Variants in HGSNAT observed in about 807,000 individuals in gnomAD.
HGSNAT encodes the protein transmembrane protein 76.
A neutral mutation model predicts 85.2 loss-of-function variants in HGSNAT; 59 were observed. The observed-to-expected ratio is 0.69, with a 90% confidence interval of 0.56 to 0.86. The LOEUF (loss-of-function observed/expected upper bound fraction) is 0.86. Ranked by LOEUF, HGSNAT falls within the 40% of genes least tolerant of loss-of-function variation. HGSNAT has a pLI of 0.00. For synonymous variants in HGSNAT, 321 were observed against 304.5 expected (o/e 1.05, Z -0.56); for missense variants, 756 against 777.1 (o/e 0.97, Z 0.32).
Position 43,197,938 on chromosome 8 carries a change from C to T in HGSNAT, c.1712C>T (p.Pro571Leu), listed in dbSNP as rs764216634. ...VDVKGLWTGT[P>L]FFYPGMNSIL... ...GTGAAGGGGCTGTGGACAGGAACCC[C>T]ATTCTTTTATCCAGGTAAGTCACCT... Residue 571 changes from proline to leucine, a missense_variant, in exon 17 of 18, where the codon CCA becomes CTA. Physicochemically the swap from Pro to Leu is moderately conservative, Grantham distance 98. Transcript: ENST00000379644. 6.2e-7 allele frequency: 1 copy of T among 1,612,804 alleles called. No homozygotes were observed.
chr8:43,141,324 G>C (rs536113321), intron 1 of HGSNAT, among the ~76,000 whole-genome samples: 1 of 151,632 alleles, frequency 6.6e-6, no homozygotes, highest in Admixed American at 6.5e-5. Flanking sequence ...GGGAGGGGCC[G>C]GGCTGGGCGC....
intron 9 of HGSNAT, among the ~76,000 whole-genome samples, chr8:43,176,065 C>G (rs1352964166): frequency 6.6e-6 from 1 of 152,030 alleles, no homozygotes; most frequent in Admixed American, 6.6e-5. Flanking sequence ...TCCCGTTTGT[C>G]CATTTTTGCT....
rs1404913924 is a variant in HGSNAT, at chr8:43,151,567, G to C, written c.234+4504G>C. ...TCACAAAACACTCATCATATGTTAAGTCAAAAGAGACTGGATAAATTAAAA... is the reference window on the plus strand; with the variant it reads ...TCACAAAACACTCATCATATGTTAACTCAAAAGAGACTGGATAAATTAAAA... On this transcript the variant is annotated intron_variant, in intron 2 of 17. Coordinates refer to ENST00000379644, the MANE Select transcript of HGSNAT (RefSeq NM_152419.3). Among the ~76,000 whole-genome samples, 4 of 152,110 alleles carry C rather than the reference G, an allele frequency of 2.6e-5. No individual in the cohort carries two copies. In the East Asian group the frequency reaches 7.7e-4, roughly 29 times the overall value.
chr8:43,152,857 GTTAA>G (rs1238956724), intron 2 of HGSNAT, among the ~76,000 whole-genome samples: 1 of 151,998 alleles, frequency 6.6e-6, no homozygotes. Context: ...TGTTTCCCAA[GTTAA>G]TTAATATACT....
chr8:43,140,755 C>A (rs1332709704), intron 1 of HGSNAT, 141 bp downstream of exon 1: 2 of 282,878 alleles, frequency 7.1e-6, no homozygotes, highest in South Asian at 1.4e-4. Flanking sequence ...GTTGCTGCGA[C>A]TTCGCGGTCC....
In HGSNAT at chr8:43,161,458, A is replaced by G; in HGVS notation, c.514A>G (p.Ile172Val). 1 of 1,612,316 alleles carries G rather than the reference A, an allele frequency of 6.2e-7. No individual in the cohort carries two copies. Among genetic ancestry groups the G allele is most frequent in the South Asian group, 1.1e-5 (1 of 90,806 alleles). ...TCTAGCTGTGAGCATTGCATTCCTT[A>G]TTGGTCTTGCTGTCATCATTGTGAT... ...SNLPVSIAFL[I>V]GLAVIIVISF... Residue 172 changes from isoleucine (I) to valine (V), a missense_variant, in exon 5 of 18, where the codon ATT (isoleucine) becomes GTT (valine). Coordinates refer to ENST00000379644, the MANE Select transcript of HGSNAT (RefSeq NM_152419.3).
intron 17 of HGSNAT, 124 bp from the exon 18 acceptor site, chr8:43,199,264 A>G: frequency 1.6e-6 from 1 of 643,510 alleles, no homozygotes; most frequent in East Asian, 2.9e-5. Context: ...TATTTTTGGC[A>G]GTAGCCAACA....
intron 1 of HGSNAT, among the ~76,000 whole-genome samples, chr8:43,144,137 T>C (rs1045723142): frequency 5.9e-5 from 9 of 151,706 alleles, no homozygotes; most frequent in Admixed American, 2.6e-4. Flanking sequence ...CTAGGTAACA[T>C]GGTGAAACCC....
chr8:43,142,235 A>C (rs542247548), intron 1 of HGSNAT, among the ~76,000 whole-genome samples: 1 of 152,280 alleles, frequency 6.6e-6, no homozygotes, highest in African/African-American at 2.4e-5. Flanking sequence ...TTTATTTGGT[A>C]ATTTGCCCAC....
At chr8:43,196,419 C>T in intron 14 of HGSNAT, 1 of 1,284,620 alleles carries the variant, frequency 7.8e-7, no homozygotes, top group Non-Finnish European at 1.0e-6. Context: ...TGTCCCGGTC[C>T]CTCTTCCTAG....
chr8:43,150,661 G>A (rs1006340904), intron 2 of HGSNAT, among the ~76,000 whole-genome samples: 9 of 151,944 alleles, frequency 5.9e-5, no homozygotes, highest in East Asian at 1.9e-4. Flanking sequence ...GTGAAACCCT[G>A]TCTCTACTAA....
chr8:43,143,978 T>G (rs1802634784), intron 1 of HGSNAT, among the ~76,000 whole-genome samples: 1 of 152,064 alleles, frequency 6.6e-6, no homozygotes, highest in Non-Finnish European at 1.5e-5. Flanking sequence ...GAGAGAAATT[T>G]TGTAATGCAT....
At chr8:43,147,735 C>A (rs1438624770) in intron 2 of HGSNAT, among the ~76,000 whole-genome samples, 1 of 152,090 alleles carries the variant, frequency 6.6e-6, no homozygotes, top group African/African-American at 2.4e-5. Context: ...ACAGGAGACA[C>A]TAGGGACTAT....
intron 14 of HGSNAT, chr8:43,194,314 C>A: frequency 1.2e-6 from 1 of 833,994 alleles, no homozygotes; most frequent in Non-Finnish European, 1.4e-6. Context: ...AGGAGTATGG[C>A]TTGAACCAAG....
intron 11 of HGSNAT, among the ~76,000 whole-genome samples, chr8:43,189,642 G>C (rs773224318): frequency 1.3e-5 from 2 of 152,184 alleles, no homozygotes; most frequent in African/African-American, 2.4e-5. Context: ...CCAGTGAGAT[G>C]AACCCGGTAC....
chr8:43,151,009 CTAGT>C (rs1802899674), intron 2 of HGSNAT, among the ~76,000 whole-genome samples: 1 of 151,816 alleles, frequency 6.6e-6, no homozygotes, highest in Admixed American at 6.6e-5. Context: ...ATAAAAGGGG[CTAGT>C]TAAGCATTTG....
At chr8:43,181,877 C>A in intron 10 of HGSNAT, 1 of 473,738 alleles carries the variant, frequency 2.1e-6, no homozygotes, top group Non-Finnish European at 3.8e-6. Context: ...TGGTTCTTAT[C>A]CCAGTCTCTC....
intron 9 of HGSNAT, among the ~76,000 whole-genome samples, 197 bp from the exon 10 acceptor site, chr8:43,177,877 G>A (rs900806560): frequency 9.9e-5 from 15 of 152,146 alleles, no homozygotes; most frequent in African/African-American, 3.6e-4. Flanking sequence ...ACTTGAAGGT[G>A]CACTGTCAAA....
chr8:43,177,781 AATC>A (rs1803864943), intron 9 of HGSNAT, among the ~76,000 whole-genome samples: 1 of 152,162 alleles, frequency 6.6e-6, no homozygotes, highest in Non-Finnish European at 1.5e-5. Context: ...TGTGGCTTCG[AATC>A]ATCATTTCTT....
Sources: gnomAD v4.1 joint callset for allele counts (sites outside exome capture counted in the v4.1 genomes callset) on GRCh38, gnomAD v4.1.1 for gene constraint, MANE v1.5 for transcripts, NCBI Gene and HGNC (gene_info 2026-07-23, HGNC 2026-07-21) for gene names.